Variants in KIAA1755 observed in about 807,000 individuals in gnomAD.
The protein encoded by KIAA1755 is KIAA1755.
A neutral mutation model predicts 91.7 loss-of-function variants in KIAA1755; 68 were observed. That is an observed-to-expected ratio of 0.74 (90% CI 0.61 to 0.91). KIAA1755 has a LOEUF of 0.91. Among genes scored for constraint, KIAA1755 ranks in the 40% least tolerant of loss-of-function variants. The pLI is 0.00. For synonymous variants in KIAA1755, 610 were observed against 604.6 expected (o/e 1.01, Z -0.13); for missense variants, 1,535 against 1,494.4 (o/e 1.03, Z -0.45).
In KIAA1755 at chr20:38,213,118, C is replaced by G; in HGVS notation, c.3527G>C (p.Ser1176Thr). 2 of 1,606,512 alleles carry G rather than the reference C, an allele frequency of 1.2e-6. No homozygotes were observed. Among genetic ancestry groups the G allele is most frequent in the Non-Finnish European group, 1.7e-6 (2 of 1,175,634 alleles). Residue 1176 changes from serine (S) to threonine (T), a missense_variant, in exon 14 of 14, where the codon AGC (serine) becomes ACC (threonine). Physicochemically the swap from Ser to Thr is moderately conservative, Grantham distance 58. Coordinates refer to ENST00000279024, the MANE Select transcript of KIAA1755 (RefSeq NM_001029864.2). ...TGAGTCTGTCCCCTCTGAGGAGAAGCTGCCCCCAGTGAGGCGAGGGACCTG... is the reference window on the plus strand; with the variant it reads ...TGAGTCTGTCCCCTCTGAGGAGAAGGTGCCCCCAGTGAGGCGAGGGACCTG... Reference protein sequence around the residue: ...QSQVPRLTGGSFSSEGTDSQT... With the variant: ...QSQVPRLTGGTFSSEGTDSQT...
intron 4 of KIAA1755, among the ~76,000 whole-genome samples, chr20:38,234,188 C>T (rs1053369938): frequency 6.6e-6 from 1 of 152,240 alleles, no homozygotes. Context: ...TAAGTCTCCC[C>T]TTGCCACCAA....
At chr20:38,232,767 A>T (rs1236696583) in intron 4 of KIAA1755, among the ~76,000 whole-genome samples, 4 of 152,122 alleles carry the variant, frequency 2.6e-5, no homozygotes, top group African/African-American at 9.7e-5. Context: ...TGTTGGGGAT[A>T]AGAGGGGAGA....
At chr20:38,221,199 C>T (rs577485530) in intron 10 of KIAA1755, among the ~76,000 whole-genome samples, 93 of 152,242 alleles carry the variant, frequency 6.1e-4, no homozygotes, top group African/African-American at 1.8e-3. Flanking sequence ...GACGGAGGGA[C>T]GGGGACAGCC....
At chr20:38,219,426 T>G (rs1181478919) in intron 11 of KIAA1755, among the ~76,000 whole-genome samples, 1 of 152,226 alleles carries the variant, frequency 6.6e-6, no homozygotes, top group Non-Finnish European at 1.5e-5. Flanking sequence ...CTCTTGGGGC[T>G]ATGTTTTCAC....
chr20:38,215,188 T>C (rs939972640), intron 13 of KIAA1755, among the ~76,000 whole-genome samples: 4 of 152,184 alleles, frequency 2.6e-5, no homozygotes, highest in Non-Finnish European at 4.4e-5. Flanking sequence ...CAACCCCTTA[T>C]TGAACGGATT....
rs189982693 is a variant in KIAA1755 at position 38,228,875 on chromosome 20, A to G, written c.1872-635T>C. ...GGAATTTCTGTTGATTGCAGCCAAA[A>G]CACCCTCCCTGGTTCAGCCACATTG... On this transcript the variant is annotated intron_variant, in intron 5 of 13. Coordinates refer to ENST00000279024, the MANE Select transcript of KIAA1755 (RefSeq NM_001029864.2). Among the ~76,000 whole-genome samples the G allele has an allele frequency of 1.1e-3, 161 of 152,288 alleles. 2 individuals carry two copies. The highest frequency in any genetic ancestry group is 1.2e-3 in the Admixed American group (18 of 15,298).
At chr20:38,237,338 TG>T (rs1229180726) in intron 4 of KIAA1755, among the ~76,000 whole-genome samples, 2 of 151,810 alleles carry the variant, frequency 1.3e-5, no homozygotes, top group African/African-American at 4.8e-5. Flanking sequence ...CAGAGGTCAG[TG>T]GTCAGGAATT....
At chr20:38,256,794 G>A (rs908460579) in intron 1 of KIAA1755, among the ~76,000 whole-genome samples, 1 of 152,110 alleles carries the variant, frequency 6.6e-6, no homozygotes. Context: ...GTGATGGAGC[G>A]AGACCCTGTC....
At chr20:38,231,959 G>A (rs1839507832) in intron 4 of KIAA1755, among the ~76,000 whole-genome samples, 1 of 152,208 alleles carries the variant, frequency 6.6e-6, no homozygotes, top group South Asian at 2.1e-4. Flanking sequence ...CCAGGAATCT[G>A]GGCGGTGTGC....
chr20:38,222,936 C>CT (rs1338961918), intron 9 of KIAA1755: 1 of 365,244 alleles, frequency 2.7e-6, no homozygotes, highest in African/African-American at 2.1e-5. Context: ...GTTTAAAACT[C>CT]TCCAGTGGCT....
chr20:38,260,103 C>T lies in KIAA1755; in HGVS notation c.3+395G>A, dbSNP rs1600675800. The stretch of plus-strand genomic sequence containing the variant: ...CCTGGGAGGGGACTTTAACCCCCAC[C>T]ACCACTCTTCCCCATCCAAACTCCC... On this transcript the variant is annotated intron_variant, in intron 1 of 13. Transcript: ENST00000279024. The T allele has an allele frequency of 7.3e-6, 7 of 962,724 alleles. No homozygotes were observed. The East Asian group carries it at 3.4e-4, about 46-fold the overall frequency. 59.6% of individuals were successfully genotyped at this position (962,724 alleles called of 1,614,324 possible).
chr20:38,213,546 T>C lies in KIAA1755; in HGVS notation c.3099A>G (p.Leu1033=), dbSNP rs765732008. ...SLSRAGLGQE[L]WEEARIRHEE... ...CATGCCTGATCCGGGCCTCCTCCCA[T>C]AGCTCCTGGCCCAGGCCTGCCCGGC... Residue 1033 remains leucine (L), a synonymous_variant, in exon 14 of 14, where the codon CTA becomes CTG. Coordinates refer to ENST00000279024, the MANE Select transcript of KIAA1755 (RefSeq NM_001029864.2). 2.5e-6 allele frequency: 4 copies of C among 1,609,230 alleles called. No homozygotes were observed. Among genetic ancestry groups the C allele is most frequent in the South Asian group, 1.1e-5 (1 of 90,786 alleles).
At position 38,212,896 on chromosome 20, in the gene KIAA1755, T is replaced by C. The variant is rs2075472528; in HGVS notation, c.*146A>G. The C allele has an allele frequency of 6.3e-6, 4 of 635,558 alleles. No homozygotes were observed. The highest frequency in any genetic ancestry group is 1.0e-5 in the Non-Finnish European group (4 of 385,166). 39.4% of individuals were successfully genotyped at this position (635,558 alleles called of 1,614,324 possible). ...TCTGGAGCCAGGGGCAGGTCGACAG[T>C]TCTCATCCTCCCAGCAGAGGCAGAA... On this transcript the variant is annotated 3_prime_UTR_variant, in exon 14 of 14. Coordinates refer to ENST00000279024, the MANE Select transcript of KIAA1755 (RefSeq NM_001029864.2).
intron 2 of KIAA1755, among the ~76,000 whole-genome samples, chr20:38,244,008 G>C (rs921841756): frequency 3.3e-5 from 5 of 152,144 alleles, no homozygotes; most frequent in African/African-American, 9.7e-5. Flanking sequence ...ATTTGAACCT[G>C]GGGCATCTGA....
intron 4 of KIAA1755, chr20:38,233,320 C>G (rs556567917): frequency 1.2e-4 from 19 of 152,216 alleles, no homozygotes; most frequent in African/African-American, 4.6e-4. Flanking sequence ...TGATACTATT[C>G]TGTCTACTTT....
chr20:38,253,512 C>T (rs1249209642), intron 1 of KIAA1755, among the ~76,000 whole-genome samples: 2 of 152,124 alleles, frequency 1.3e-5, no homozygotes, highest in South Asian at 2.1e-4. Flanking sequence ...CAGAAAGAGG[C>T]CCCTTGCCAG....
intron 2 of KIAA1755, 104 bp downstream of exon 2, chr20:38,245,825 C>T (rs1312359510): frequency 6.5e-6 from 7 of 1,076,174 alleles, no homozygotes; most frequent in Non-Finnish European, 5.5e-6. Flanking sequence ...CTCAGCTCCC[C>T]GTGAAACAAG....
chr20:38,226,594 C>T (rs934348723), intron 7 of KIAA1755, among the ~76,000 whole-genome samples: 5 of 152,158 alleles, frequency 3.3e-5, no homozygotes, highest in African/African-American at 4.8e-5. Flanking sequence ...AATCACATCC[C>T]GAAGCAGGAC....
Position 38,241,368 on chromosome 20 carries a change from G to A in KIAA1755, c.763C>T (p.Arg255Trp), listed in dbSNP as rs147578698. Residue 255 changes from arginine to tryptophan, a missense_variant, in exon 3 of 14, where the codon CGG becomes TGG. Arg to Trp is a moderately radical substitution (Grantham distance 101, BLOSUM62 -3). Coordinates refer to ENST00000279024, the MANE Select transcript of KIAA1755 (RefSeq NM_001029864.2). ...ATCCTGAAAGCCACCTCCCCACACCGGGCTTGCTCCACCTTGATGAGTCCT... is the reference window on the plus strand; with the variant it reads ...ATCCTGAAAGCCACCTCCCCACACCAGGCTTGCTCCACCTTGATGAGTCCT... ...YPGLIKVEQA[R>W]CGEVAFRMDE... 59 of 1,614,042 alleles carry A rather than the reference G, an allele frequency of 3.7e-5. No individual in the cohort carries two copies. Among genetic ancestry groups the A allele is most frequent in the South Asian group, 1.4e-4 (13 of 91,090 alleles).
Sources: allele counts gnomAD v4.1 joint callset (sites outside exome capture counted in the v4.1 genomes callset), GRCh38; gene constraint gnomAD v4.1.1; transcripts MANE v1.5; gene names NCBI Gene and HGNC (gene_info 2026-07-23, HGNC 2026-07-21).